Variants in ARHGAP4 observed in about 807,000 individuals in gnomAD.
ARHGAP4 encodes rho GTPase-activating protein 4.
A neutral mutation model predicts 67.6 loss-of-function variants in ARHGAP4; 25 were observed. The observed-to-expected ratio is 0.37, with a 90% CI of 0.27 to 0.52. The LOEUF is 0.52. Ranked by LOEUF, ARHGAP4 falls within the 20% of genes least tolerant of loss-of-function variation. The pLI is 0.92. For missense variants in ARHGAP4, 804 were observed against 854.6 expected, an observed-to-expected ratio of 0.94 and a Z score of 0.74; for synonymous variants, 448 against 373.7, an observed-to-expected ratio of 1.20 and a Z score of -2.29.
chrX:153,910,628 C>T lies in ARHGAP4; in HGVS notation c.1817-17G>A. On this transcript the variant is annotated splice_polypyrimidine_tract_variant and intron_variant, in intron 15 of 21. Coordinates refer to ENST00000350060, the MANE Select transcript of ARHGAP4 (RefSeq NM_001666.5). ...CCTCCAGCTCTGTGGCCAAAGCCGC[C>T]CAGAGAGAGCCGCGTGAGCGGGGCT... is the stretch of plus-strand genomic sequence containing the variant. 1 of 1,195,528 alleles carries T rather than the reference C, an allele frequency of 8.4e-7. No individual in the cohort carries two copies. Among genetic ancestry groups the T allele is most frequent in the Non-Finnish European group, 1.1e-6 (1 of 886,577 alleles).
In ARHGAP4 at chrX:153,913,210, G is replaced by A. The variant is rs376191660; in HGVS notation, c.1411+8C>T. 5 of 1,167,536 alleles carry A rather than the reference G, an allele frequency of 4.3e-6. No individual in the cohort carries two copies. The highest frequency in any genetic ancestry group is 5.7e-6 in the Non-Finnish European group (5 of 873,009). ...GAGAGGCGGGGAAGGGGGCAGCACT[G>A]GGCCCACCTCGCTGAAGGGCCTCCT... On this transcript the variant is annotated splice_region_variant and intron_variant, in intron 10 of 21. Coordinates refer to ENST00000350060, the MANE Select transcript of ARHGAP4 (RefSeq NM_001666.5).
chrX:153,908,018 C>T, intron 21 of ARHGAP4, 56 bp from the exon 22 acceptor site: 1 of 1,050,832 alleles, frequency 9.5e-7, no homozygotes. Context: ...ACTGACCCTG[C>T]CCAAGACCCA....
Position 153,924,768 on chromosome X carries a change from T to C in ARHGAP4, c.67+1368A>G, listed in dbSNP as rs782249159. Among the ~76,000 whole-genome samples the C allele has an allele frequency of 4.5e-5, 5 of 112,098 alleles. No individual in the cohort carries two copies. In the East Asian group the frequency reaches 1.1e-3, roughly 25 times the overall value. On this transcript the variant is annotated intron_variant, in intron 1 of 21. Coordinates refer to ENST00000350060, the MANE Select transcript of ARHGAP4 (RefSeq NM_001666.5). ...AGGAGAGCTGGAATCCATGTCTGCC[T>C]GAATTACAGAGCTGGGCCCCGGGCC...
chrX:153,919,477 T>A lies in ARHGAP4; in HGVS notation c.682-194A>T, dbSNP rs782441635. On this transcript the variant is annotated intron_variant, in intron 5 of 21. Coordinates refer to ENST00000350060, the MANE Select transcript of ARHGAP4 (RefSeq NM_001666.5). ...AGCCCAGTGCCAGGAGGTGACTTGATTCCCCGGCTGTTCACCCGCCACTTG... is the reference window on the plus strand; with the variant it reads ...AGCCCAGTGCCAGGAGGTGACTTGAATCCCCGGCTGTTCACCCGCCACTTG... The A allele has an allele frequency of 1.3e-5, 15 of 1,113,802 alleles. No individual in the cohort carries two copies. In the African/African-American group the frequency reaches 2.7e-4, roughly 20 times the overall value. The allele number at this position is 1,113,802 out of a possible 1,213,427, so 91.8% of individuals were successfully genotyped here.
chrX:153,916,075 G>A (rs781797994), intron 7 of ARHGAP4, among the ~76,000 whole-genome samples: 3 of 111,909 alleles, frequency 2.7e-5, no homozygotes, highest in African/African-American at 9.7e-5. Context: ...CTTGATGGGC[G>A]AAGACAGAAA....
intron 1 of ARHGAP4, chrX:153,922,441 C>T: frequency 1.3e-6 from 1 of 752,230 alleles, no homozygotes; most frequent in Non-Finnish European, 1.6e-6. Context: ...CTTCTGACCC[C>T]ACTTCCCACT....
Position 153,911,186 on chromosome X carries a change from A to G in ARHGAP4, c.1546T>C (p.Ser516Pro). ...GGDMEKFIQS[S>P]GQPVPLVVES... is the part of the protein sequence containing the mutation. ...ACCACCAGGGGCACAGGCTGGCCTG[A>G]GCTCTGGGGACAGAGGGTGTTTACT... The change falls in exon 13 of 22, where the codon TCA becomes CCA. Residue 516 changes from serine (S) to proline (P), a missense_variant. Transcript: ENST00000350060. The G allele has an allele frequency of 8.7e-7, 1 of 1,149,932 alleles. No homozygotes were observed. The highest frequency in any genetic ancestry group is 1.2e-6 in the Non-Finnish European group (1 of 861,719). The allele number at this position is 1,149,932 out of a possible 1,213,427, so 94.8% of individuals were successfully genotyped here.
At chrX:153,915,428 G>A (rs1421071128) in intron 7 of ARHGAP4, among the ~76,000 whole-genome samples, 1 of 111,313 alleles carries the variant, frequency 9.0e-6, no homozygotes, top group African/African-American at 3.3e-5. Context: ...GTCCATCTAG[G>A]CTGGACTGGC....
chrX:153,921,809 T>C lies in ARHGAP4; in HGVS notation c.68A>G (p.Glu23Gly). The change falls in exon 2 of 22, where the codon GAG (glutamate) becomes GGG (glycine). Residue 23 changes from glutamate (E) to glycine (G), a missense_variant and splice_region_variant. Around this residue, in one of 2 missense-constraint regions of ARHGAP4, gnomAD observed 404 missense variants for 505.9 expected, o/e 0.80. Transcript: ENST00000350060. The stretch of plus-strand genomic sequence containing the variant: ...CTGCTCGCTCAGCTGCCAGCGCATC[T>C]CTGTGGGGGGAACCATGGCTCAGGC... The part of the protein sequence containing the change: ...LQAEYETQVK[E>G]MRWQLSEQLR... The C allele has an allele frequency of 8.4e-7, 1 of 1,183,615 alleles. No individual in the cohort carries two copies. Among genetic ancestry groups the C allele is most frequent in the Non-Finnish European group, 1.1e-6 (1 of 883,515 alleles).
intron 10 of ARHGAP4, 33 bp from the exon 11 acceptor site, chrX:153,913,084 G>C (rs1209311867): frequency 8.5e-7 from 1 of 1,181,367 alleles, no homozygotes; most frequent in Non-Finnish European, 1.1e-6. Flanking sequence ...TCTGCCTCTC[G>C]GGCCAGGGGT....
chrX:153,921,563 G>A (rs1197863542), intron 2 of ARHGAP4, 36 bp from the exon 3 acceptor site: 6 of 1,203,560 alleles, frequency 5.0e-6, no homozygotes, highest in Non-Finnish European at 6.7e-6. Flanking sequence ...TGGGAGCGGA[G>A]CTTGGGCCCT....
rs782053293 is a variant in ARHGAP4, at chrX:153,907,697, C to A, written c.*32G>T. On this transcript the variant is annotated 3_prime_UTR_variant, in exon 22 of 22. Transcript: ENST00000350060. Reference sequence around the variant, plus strand: ...GAGAGTGGCCGGTCCAGCGGGTAGCCGCCGGGGGCACGCATCTCCAGCAGC... The same window carrying A: ...GAGAGTGGCCGGTCCAGCGGGTAGCAGCCGGGGGCACGCATCTCCAGCAGC... 2.4e-6 allele frequency: 2 copies of A among 836,154 alleles called. No homozygotes were observed. Among genetic ancestry groups the A allele is most frequent in the South Asian group, 9.2e-5 (2 of 21,665 alleles). 68.9% of individuals were successfully genotyped at this position (836,154 alleles called of 1,213,427 possible). A position where few individuals can be genotyped will look rare whatever the true frequency, so the allele number is the denominator to read the frequency against.
intron 1 of ARHGAP4, among the ~76,000 whole-genome samples, chrX:153,924,689 C>A (rs2065116458): frequency 9.0e-6 from 1 of 111,418 alleles, no homozygotes; most frequent in Non-Finnish European, 1.9e-5. Flanking sequence ...TCTGGTACAG[C>A]AGTATACTCC....
chrX:153,923,308 G>A (rs1557105691), intron 1 of ARHGAP4, among the ~76,000 whole-genome samples: 2 of 111,728 alleles, frequency 1.8e-5, no homozygotes, highest in Non-Finnish European at 1.9e-5. Context: ...TTTCTGTCCC[G>A]CCAGTGACTT....
rs150665377 is a variant in ARHGAP4 at position 153,918,986 on chromosome X, C to T, written c.878G>A (p.Arg293His). 9.3e-5 allele frequency: 113 copies of T among 1,210,219 alleles called. No homozygotes were observed. The South Asian group carries it at 1.1e-3, about 11-fold the overall frequency. ...GCCCTGCACTTGGGAGGCTTGGGTG[C>T]GGCTCTCAGCGGCCGTGTAGCTCCG... is the stretch of plus-strand genomic sequence containing the variant. ...VLRSYTAAES[R>H]TQASQVQGLG... The change falls in exon 7 of 22, where the codon CGC becomes CAC. Residue 293 changes from arginine (R) to histidine (H), a missense_variant. Physicochemically the swap from Arg to His is conservative, Grantham distance 29 (BLOSUM62 0). Transcript: ENST00000350060.
chrX:153,925,249 A>G (rs186806141), intron 1 of ARHGAP4, among the ~76,000 whole-genome samples: 1 of 111,932 alleles, frequency 8.9e-6, no homozygotes, highest in African/African-American at 3.3e-5. Context: ...GCTTGCACTG[A>G]ATAATGATGT....
chrX:153,910,803 G>T lies in ARHGAP4; in HGVS notation c.1713C>A (p.Ala571=), dbSNP rs1557103029. Residue 571 remains alanine, a synonymous_variant, in exon 15 of 22, where the codon GCC becomes GCA. Transcript: ENST00000350060. Reference sequence around the variant, plus strand: ...CCCCGGCCACCGAGTCCAGGTCATGGGCAGTGCAGCCCTCCACCAGTGGGT... The same window carrying T: ...CCCCGGCCACCGAGTCCAGGTCATGTGCAGTGCAGCCCTCCACCAGTGGGT... The part of the protein sequence containing the change: ...GEDPLVEGCT[A]HDLDSVAGVL... 2 of 1,188,848 alleles carry T rather than the reference G, an allele frequency of 1.7e-6. No homozygotes were observed. Among genetic ancestry groups the T allele is most frequent in the African/African-American group, 3.5e-5 (2 of 56,727 alleles).
At position 153,910,151 on chromosome X, in the gene ARHGAP4, C is replaced by G; in HGVS notation, c.2156+20G>C. On this transcript the variant is annotated intron_variant, in intron 17 of 21. Coordinates refer to ENST00000350060, the MANE Select transcript of ARHGAP4 (RefSeq NM_001666.5). Reference sequence around the variant, plus strand: ...TCTCCAGTGGACCCCCCAGTCCCCTCGGCAGCACCAAGGGTGTACCCCAGG... The same window carrying G: ...TCTCCAGTGGACCCCCCAGTCCCCTGGGCAGCACCAAGGGTGTACCCCAGG... 8.3e-7 allele frequency: 1 copy of G among 1,210,153 alleles called. No individual in the cohort carries two copies. The highest frequency in any genetic ancestry group is 1.8e-5 in the South Asian group (1 of 56,925).
chrX:153,910,104 C>A lies in ARHGAP4; in HGVS notation c.2157-19G>T. On this transcript the variant is annotated intron_variant, in intron 17 of 21. Coordinates refer to ENST00000350060, the MANE Select transcript of ARHGAP4 (RefSeq NM_001666.5). ...GGCGTCCCTGAGGTTCAGGGCAGAG[C>A]GAGGCAGATGAGGGGGGCTCTTCTC... The A allele has an allele frequency of 3.3e-6, 4 of 1,210,838 alleles. No individual in the cohort carries two copies. Among genetic ancestry groups the A allele is most frequent in the Non-Finnish European group, 4.5e-6 (4 of 895,127 alleles).
Sources: gnomAD v4.1 joint callset for allele counts (sites outside exome capture counted in the v4.1 genomes callset) on GRCh38, gnomAD v4.1.1 for gene constraint, gnomAD v4.1.1 regional missense constraint, MANE v1.5 for transcripts, NCBI Gene and HGNC (gene_info 2026-07-23, HGNC 2026-07-21) for gene names.